The following LEMD3 variants were observed in gnomAD, a reference collection of about 807,000 sequenced individuals.
LEMD3 encodes inner nuclear membrane protein Man1.
A neutral mutation model predicts 95.2 loss-of-function variants in LEMD3; 33 were observed. The ratio of observed to expected loss-of-function variants is 0.35; its 90% CI spans 0.26 to 0.46. The LOEUF (loss-of-function observed/expected upper bound fraction) is 0.46. Among genes scored for constraint, LEMD3 ranks in the 20% least tolerant of loss-of-function variants. The pLI is 1.00. For synonymous variants in LEMD3, 525 were observed against 474.6 expected (o/e 1.11, Z -1.38); for missense variants, 1,210 against 1,192.8 (o/e 1.01, Z -0.21).
In LEMD3 at chr12:65,183,116, A is replaced by G. The variant is rs1868956083; in HGVS notation, c.1522+11998A>G. On this transcript the variant is annotated intron_variant, in intron 1 of 12. Transcript: ENST00000308330. Reference sequence around the variant, plus strand: ...GTGATGGTTTAGACCAGAACCGTCCAGTAGAAATATAAGCCACACAGTAGC... The same window carrying G: ...GTGATGGTTTAGACCAGAACCGTCCGGTAGAAATATAAGCCACACAGTAGC... Among the ~76,000 whole-genome samples, 3 of 152,336 alleles carry G rather than the reference A, an allele frequency of 2.0e-5. No individual in the cohort carries two copies. In the South Asian group the frequency reaches 6.2e-4, roughly 32 times the overall value.
At chr12:65,236,300 G>C (rs1176817147) in intron 4 of LEMD3, among the ~76,000 whole-genome samples, 2 of 152,176 alleles carry the variant, frequency 1.3e-5, no homozygotes, top group Non-Finnish European at 2.9e-5. Flanking sequence ...CTAGCACTTT[G>C]GGAGGCCAAG....
intron 1 of LEMD3, among the ~76,000 whole-genome samples, chr12:65,208,718 A>G (rs1012481057): frequency 1.3e-5 from 2 of 152,088 alleles, no homozygotes; most frequent in African/African-American, 4.8e-5. Context: ...CCCCAAGGAT[A>G]TGTTTTACTT....
chr12:65,170,364 A>T lies in LEMD3; in HGVS notation c.768A>T (p.Glu256Asp). 6.2e-7 allele frequency: 1 copy of T among 1,613,088 alleles called. No individual in the cohort carries two copies. Among genetic ancestry groups the T allele is most frequent in the Non-Finnish European group, 8.5e-7 (1 of 1,179,546 alleles). The change falls in exon 1 of 13, where the codon GAA (glutamate) becomes GAT (aspartate). Residue 256 changes from glutamate to aspartate, a missense_variant. Around this residue, in one of 2 missense-constraint regions of LEMD3, gnomAD observed 749 missense variants for 622.9 expected, o/e 1.20. Transcript: ENST00000308330. Reference protein sequence around the residue: ...GSRLVPYSCRENYSDSEEEDD... With the variant: ...GSRLVPYSCRDNYSDSEEEDD... ...GGCTTGTCCCCTACAGCTGCCGGGA[A>T]AACTATTCGGACTCAGAGGAAGAGG...
At chr12:65,200,596 A>G (rs1449643831) in intron 1 of LEMD3, among the ~76,000 whole-genome samples, 1 of 152,140 alleles carries the variant, frequency 6.6e-6, no homozygotes, top group Admixed American at 6.5e-5. Context: ...CTGATAACGT[A>G]TGATGTGGAT....
At chr12:65,216,604 G>C (rs1870118370) in intron 3 of LEMD3, among the ~76,000 whole-genome samples, 2 of 151,554 alleles carry the variant, frequency 1.3e-5, no homozygotes, top group African/African-American at 2.4e-5. Flanking sequence ...TGCAGTAGCA[G>C]CTTATCTATT....
chr12:65,191,563 T>C (rs763653789), intron 1 of LEMD3, among the ~76,000 whole-genome samples: 1 of 152,130 alleles, frequency 6.6e-6, no homozygotes. Flanking sequence ...TCTCTTTTTA[T>C]GAGGAGAGAG....
chr12:65,174,450 C>T (rs577383497), intron 1 of LEMD3, among the ~76,000 whole-genome samples: 1 of 152,178 alleles, frequency 6.6e-6, no homozygotes, highest in African/African-American at 2.4e-5. Flanking sequence ...CTGTCCTAGG[C>T]TCGTATGATC....
chr12:65,237,526 CATAAA>C (rs1200392436), intron 4 of LEMD3, among the ~76,000 whole-genome samples: 15 of 152,184 alleles, frequency 9.9e-5, no homozygotes, highest in African/African-American at 3.6e-4. Flanking sequence ...ACTCTTGTCT[CATAAA>C]ATCCTTTTAT....
chr12:65,169,909 G>A lies in LEMD3; in HGVS notation c.313G>A (p.Gly105Arg). 6.9e-7 allele frequency: 1 copy of A among 1,452,218 alleles called. No individual in the cohort carries two copies. The highest frequency in any genetic ancestry group is 1.5e-5 in the South Asian group (1 of 68,226). The allele number at this position is 1,452,218 out of a possible 1,614,324, so 90.0% of individuals were successfully genotyped here. The change falls in exon 1 of 13, where the codon GGG (glycine) becomes AGG (arginine). Residue 105 changes from glycine (G) to arginine (R), a missense_variant. Gly to Arg is a moderately radical substitution (Grantham distance 125, BLOSUM62 -2). Transcript: ENST00000308330. ...SGDLSYLRTPGGLCRISASGP... is the reference protein window; with the variant it reads ...SGDLSYLRTPRGLCRISASGP... ...CGACCTCTCCTACTTACGGACTCCT[G>A]GGGGCCTGTGCCGAATCTCGGCCTC... is the stretch of plus-strand genomic sequence containing the variant.
rs887490744 is a variant in LEMD3 at position 65,247,786 on chromosome 12, C to G, written c.*1461C>G. 3.3e-5 allele frequency: 5 copies of G among 152,544 alleles called. No individual in the cohort carries two copies. The highest frequency in any genetic ancestry group is 7.4e-5 in the Non-Finnish European group (5 of 67,998). 9.4% of individuals were successfully genotyped at this position (152,544 alleles called of 1,614,324 possible). A position where few individuals can be genotyped will look rare whatever the true frequency, so the allele number is the denominator to read the frequency against. On this transcript the variant is annotated 3_prime_UTR_variant, in exon 13 of 13. Transcript: ENST00000308330. ...TCTGGTTAAGTAAACATGATGCACA[C>G]TATTCTGTAACAGAAAGCCCTATTG... is the stretch of plus-strand genomic sequence containing the variant.
Position 65,202,251 on chromosome 12 carries a change from C to G in LEMD3, c.1523-8675C>G, listed in dbSNP as rs11175672. Among the ~76,000 whole-genome samples the G allele has an allele frequency of 0.015, 2,314 of 152,176 alleles. 88 individuals carry two copies. The East Asian group carries it at 0.17, about 11-fold the overall frequency. ...CAGACTGGTCTTGAACTCCTGACAT[C>G]AGGTGATCCACCTGCCTCAGCCTCC... On this transcript the variant is annotated intron_variant, in intron 1 of 12. Transcript: ENST00000308330.
intron 12 of LEMD3, 83 bp downstream of exon 12, chr12:65,246,022 T>A (rs1477955394): frequency 3.8e-6 from 5 of 1,317,778 alleles, no homozygotes; most frequent in Non-Finnish European, 5.4e-6. Context: ...AATAAAAGAA[T>A]TTAGGTTAGC....
intron 1 of LEMD3, among the ~76,000 whole-genome samples, chr12:65,180,989 A>AACACACACACAC (rs71096029): frequency 6.7e-6 from 1 of 149,178 alleles, no homozygotes; most frequent in African/African-American, 2.5e-5. Context: ...TATGTACACA[A>AACACACACACAC]ACACACACAC....
At chr12:65,218,197 T>C (rs917504082) in intron 3 of LEMD3, among the ~76,000 whole-genome samples, 5 of 152,216 alleles carry the variant, frequency 3.3e-5, no homozygotes, top group Admixed American at 1.3e-4. Flanking sequence ...GAGGGCGTCT[T>C]GTGTGCCAAG....
At chr12:65,210,859 G>A in intron 1 of LEMD3, 67 bp from the exon 2 acceptor site, 2 of 1,170,556 alleles carry the variant, frequency 1.7e-6, no homozygotes, top group Non-Finnish European at 2.6e-6. Flanking sequence ...GCATTTCAGA[G>A]AGTTTGTTTG....
intron 1 of LEMD3, among the ~76,000 whole-genome samples, chr12:65,174,168 C>G (rs960946537): frequency 6.6e-6 from 1 of 152,090 alleles, no homozygotes; most frequent in Admixed American, 6.5e-5. Context: ...TTAAATTGTT[C>G]TTAATCATAT....
rs139346096 is a variant in LEMD3, at chr12:65,170,801, C to A, written c.1205C>A (p.Ser402Tyr). ...GGCGGTGGGGCCTTCAGTGTGGACT[C>A]CCCCAGGATTTATTCTAACAGTCTC... ...HIGGGAFSVD[S>Y]PRIYSNSLPP... Residue 402 changes from serine to tyrosine, a missense_variant, in exon 1 of 13, where the codon TCC becomes TAC. By Grantham distance (144) the Ser-to-Tyr change is moderately radical. Coordinates refer to ENST00000308330, the MANE Select transcript of LEMD3 (RefSeq NM_014319.5). 1.9e-6 allele frequency: 3 copies of A among 1,614,132 alleles called. No homozygotes were observed. Among genetic ancestry groups the A allele is most frequent in the East Asian group, 2.2e-5 (1 of 44,872 alleles).
At chr12:65,183,994 A>T (rs922446346) in intron 1 of LEMD3, among the ~76,000 whole-genome samples, 1 of 152,138 alleles carries the variant, frequency 6.6e-6, no homozygotes, top group Non-Finnish European at 1.5e-5. Context: ...CTCAGCTCCT[A>T]TTGGCAAAAG....
Position 65,170,609 on chromosome 12 carries a change from C to G in LEMD3, c.1013C>G (p.Ala338Gly), listed in dbSNP as rs150526974. ...AGGAGCCGAAACCTCGAAGAGGCGG[C>G]GGCCGCGGAGCAGGGAGGAGGGTGT... ...LDRSRNLEEA[A>G]AAEQGGGCDQ... is the part of the protein sequence containing the mutation. Residue 338 changes from alanine (A) to glycine (G), a missense_variant, in exon 1 of 13, where the codon GCG becomes GGG. Transcript: ENST00000308330. 6.2e-7 allele frequency: 1 copy of G among 1,613,934 alleles called. No individual in the cohort carries two copies. Among genetic ancestry groups the G allele is most frequent in the Non-Finnish European group, 8.5e-7 (1 of 1,179,912 alleles).
Sources: gnomAD v4.1 joint callset for allele counts (sites outside exome capture counted in the v4.1 genomes callset) on GRCh38, gnomAD v4.1.1 for gene constraint, gnomAD v4.1.1 regional missense constraint, MANE v1.5 for transcripts, NCBI Gene and HGNC (gene_info 2026-07-23, HGNC 2026-07-21) for gene names.